The following EPS8 variants were observed in gnomAD, a reference collection of about 807,000 sequenced individuals.
EPS8 encodes the protein epidermal growth factor receptor kinase substrate 8.
A neutral mutation model predicts 103.8 loss-of-function variants in EPS8; 42 were observed. That is an observed-to-expected ratio of 0.40 (90% CI 0.32 to 0.52). The LOEUF (loss-of-function observed/expected upper bound fraction) is 0.52. EPS8 is among the 20% of genes least tolerant of loss of function. EPS8 has a pLI of 0.40. For missense variants in EPS8, 969 were observed against 1,005.1 expected, an observed-to-expected ratio of 0.96 and a Z score of 0.49; for synonymous variants, 344 against 344.6, an observed-to-expected ratio of 1.00 and a Z score of 0.02.
intron 1 of EPS8, among the ~76,000 whole-genome samples, chr12:15,712,555 T>C (rs926244711): frequency 6.6e-6 from 1 of 152,182 alleles, no homozygotes; most frequent in African/African-American, 2.4e-5. Context: ...AGCTATAATA[T>C]GAGGGGAAAA....
At chr12:15,629,547 A>G (rs1646943752) in intron 18 of EPS8, among the ~76,000 whole-genome samples, 1 of 152,252 alleles carries the variant, frequency 6.6e-6, no homozygotes, top group Non-Finnish European at 1.5e-5. Flanking sequence ...AACTCTTTTT[A>G]AAAACTCCAC....
Position 15,654,225 on chromosome 12 carries a change from T to G in EPS8, c.1170A>C (p.Thr390=), listed in dbSNP as rs562439929. The G allele has an allele frequency of 1.7e-5, 27 of 1,613,620 alleles. No homozygotes were observed. The South Asian group carries it at 2.9e-4, about 17-fold the overall frequency. Residue 390 remains threonine, a synonymous_variant, in exon 13 of 21, where the codon ACA becomes ACC. Transcript: ENST00000281172. ...TGACAGTATAATTTAAGAAATCAAT[T>G]GTGTCCTTATTCAATAGGGGACTAA... ...SVLSPLLNKD[T]IDFLNYTVNG...
At chr12:15,650,270 A>G (rs1472856931) in intron 14 of EPS8, among the ~76,000 whole-genome samples, 2 of 152,224 alleles carry the variant, frequency 1.3e-5, no homozygotes, top group African/African-American at 4.8e-5. Flanking sequence ...AGCAAGGCTG[A>G]TAGGACTCCA....
chr12:15,680,338 A>C (rs1369013372), intron 3 of EPS8, among the ~76,000 whole-genome samples: 1 of 152,314 alleles, frequency 6.6e-6, no homozygotes, highest in African/African-American at 2.4e-5. Flanking sequence ...AATATCGATA[A>C]TATCAACAAT....
Position 15,690,618 on chromosome 12 carries a change from C to A in EPS8, c.-21-7646G>T, listed in dbSNP as rs1228690364. 2.0e-5 allele frequency among the ~76,000 whole-genome samples: 3 copies of A among 152,068 alleles called. No homozygotes were observed. Among genetic ancestry groups the A allele is most frequent in the Non-Finnish European group, 4.4e-5 (3 of 68,016 alleles). ...TTTAGTAATACATGGTTTTACAGAT[C>A]CAATGGCCAGCAGAATGATTATATG... is the stretch of plus-strand genomic sequence containing the variant. On this transcript the variant is annotated intron_variant, in intron 1 of 20. Transcript: ENST00000281172. The surrounding 1 kb of genome is among the most constrained non-coding windows in gnomAD (Gnocchi z 4.7).
rs1346356700 is a variant in EPS8 at position 15,747,456 on chromosome 12, T to C, written c.-22+41705A>G. Among the ~76,000 whole-genome samples, 1 of 152,162 alleles carries C rather than the reference T, an allele frequency of 6.6e-6. No homozygotes were observed. The highest frequency in any genetic ancestry group is 1.5e-5 in the Non-Finnish European group (1 of 68,032). ...CACTATTTTAGGAGCAGCTGGTTAG[T>C]TCCAGTACTACCAATTCAGTAATCT... On this transcript the variant is annotated intron_variant, in intron 1 of 20. Coordinates refer to ENST00000281172, the MANE Select transcript of EPS8 (RefSeq NM_004447.6). This position sits in a 1 kb window ranked among gnomAD's most constrained non-coding sequence, Gnocchi z 4.4.
At chr12:15,632,585 C>G (rs558147231) in intron 17 of EPS8, among the ~76,000 whole-genome samples, 2 of 152,250 alleles carry the variant, frequency 1.3e-5, no homozygotes, top group Admixed American at 1.3e-4. Flanking sequence ...TGCACTGGCA[C>G]AATTTTAATT....
rs116159860 is a variant in EPS8, at chr12:15,736,202, A to G, written c.-22+52959T>C. Among the ~76,000 whole-genome samples the G allele has an allele frequency of 0.027, 4,090 of 152,262 alleles. 177 individuals are homozygous for G. The highest frequency in any genetic ancestry group is 0.094 in the African/African-American group (3,884 of 41,524). ...GTGCCGGGCCGAGTTTGTGTTTTAA[A>G]CCAAAAACTATCCTAGTATCATGTC... is the stretch of plus-strand genomic sequence containing the variant. On this transcript the variant is annotated intron_variant, in intron 1 of 20. Coordinates refer to ENST00000281172, the MANE Select transcript of EPS8 (RefSeq NM_004447.6). The surrounding 1 kb of genome is among the most constrained non-coding windows in gnomAD (Gnocchi z 4.2).
In EPS8 at chr12:15,691,084, C is replaced by T. The variant is rs538295869; in HGVS notation, c.-21-8112G>A. ...AAGCTAGGACAAACTTTCCTTGAAG[C>T]TTCACTGCTTATAAAGAAATTTTAG... is the stretch of plus-strand genomic sequence containing the variant. On this transcript the variant is annotated intron_variant, in intron 1 of 20. Coordinates refer to ENST00000281172, the MANE Select transcript of EPS8 (RefSeq NM_004447.6). Among the ~76,000 whole-genome samples, 16 of 151,994 alleles carry T rather than the reference C, an allele frequency of 1.1e-4. No homozygotes were observed. The South Asian group carries it at 3.3e-3, about 32-fold the overall frequency.
intron 18 of EPS8, among the ~76,000 whole-genome samples, chr12:15,629,193 A>G (rs1416755578): frequency 6.6e-6 from 1 of 152,184 alleles, no homozygotes. Context: ...TTATCAGGAG[A>G]GTTCTCTATC....
At chr12:15,753,946 G>C (rs1324689527) in intron 1 of EPS8, among the ~76,000 whole-genome samples, 3 of 152,214 alleles carry the variant, frequency 2.0e-5, no homozygotes, top group Admixed American at 6.5e-5. Flanking sequence ...GGGACAGCTG[G>C]GTATTTCATC....
chr12:15,774,233 T>C (rs988544066), intron 1 of EPS8, among the ~76,000 whole-genome samples: 1 of 152,060 alleles, frequency 6.6e-6, no homozygotes, highest in South Asian at 2.1e-4. Flanking sequence ...ATGAATTTTT[T>C]CTTTTGGAAA....
At position 15,784,415 on chromosome 12, in the gene EPS8, A is replaced by T. The variant is rs1484331804; in HGVS notation, c.-22+4746T>A. Among the ~76,000 whole-genome samples the T allele has an allele frequency of 1.3e-5, 2 of 152,192 alleles. No individual in the cohort carries two copies. Among genetic ancestry groups the T allele is most frequent in the Non-Finnish European group, 2.9e-5 (2 of 67,998 alleles). On this transcript the variant is annotated intron_variant, in intron 1 of 20. Transcript: ENST00000281172. This position sits in a 1 kb window ranked among gnomAD's most constrained non-coding sequence, Gnocchi z 4.0. ...TTAACATCATATGTCATTAGGAAATAGTAAATTAAAGTAACAATGACATAT... is the reference window on the plus strand; with the variant it reads ...TTAACATCATATGTCATTAGGAAATTGTAAATTAAAGTAACAATGACATAT...
rs1947241041 is a variant in EPS8 at position 15,779,709 on chromosome 12, A to G, written c.-22+9452T>C. Reference sequence around the variant, plus strand: ...TTAAGTACAAACTTCTCTTCCTTCTATCAATCTTTTTTCTCACTATTTTTT... The same window carrying G: ...TTAAGTACAAACTTCTCTTCCTTCTGTCAATCTTTTTTCTCACTATTTTTT... On this transcript the variant is annotated intron_variant, in intron 1 of 20. Coordinates refer to ENST00000281172, the MANE Select transcript of EPS8 (RefSeq NM_004447.6). The surrounding 1 kb of genome is among the most constrained non-coding windows in gnomAD (Gnocchi z 4.3). Among the ~76,000 whole-genome samples the G allele has an allele frequency of 6.6e-6, 1 of 152,136 alleles. No individual in the cohort carries two copies. Among genetic ancestry groups the G allele is most frequent in the South Asian group, 2.1e-4 (1 of 4,830 alleles).
chr12:15,788,562 C>A (rs544856475), intron 1 of EPS8, among the ~76,000 whole-genome samples: 1 of 152,236 alleles, frequency 6.6e-6, no homozygotes, highest in South Asian at 2.1e-4. Flanking sequence ...TGACCACAAC[C>A]GGAGAAAGGC....
chr12:15,662,220 G>A, intron 8 of EPS8, 121 bp from the exon 9 acceptor site: 1 of 1,526,892 alleles, frequency 6.5e-7, no homozygotes, highest in Non-Finnish European at 8.8e-7. Flanking sequence ...ACCTCCACTG[G>A]ATACACAAGT....
chr12:15,665,660 G>T (rs76965060), intron 8 of EPS8, 96 bp downstream of exon 8: 1 of 1,451,992 alleles, frequency 6.9e-7, no homozygotes, highest in East Asian at 2.3e-5. Context: ...CTAACCTCAA[G>T]CTTCAGTTCT....
Position 15,690,582 on chromosome 12 carries a change from G to C in EPS8, c.-21-7610C>G, listed in dbSNP as rs149507430. ...CAAGGATTATCCATTGTTTCAATTTGTCTGCTCTATTTTAGTAATACATGG... is the reference window on the plus strand; with the variant it reads ...CAAGGATTATCCATTGTTTCAATTTCTCTGCTCTATTTTAGTAATACATGG... On this transcript the variant is annotated intron_variant, in intron 1 of 20. Transcript: ENST00000281172. The surrounding 1 kb of genome is among the most constrained non-coding windows in gnomAD (Gnocchi z 4.7). Among the ~76,000 whole-genome samples the C allele has an allele frequency of 0.019, 2,913 of 152,256 alleles. 39 individuals are homozygous for C. Among genetic ancestry groups the C allele is most frequent in the South Asian group, 0.043 (205 of 4,816 alleles).
At chr12:15,756,388 C>G (rs1158145573) in intron 1 of EPS8, among the ~76,000 whole-genome samples, 1 of 152,042 alleles carries the variant, frequency 6.6e-6, no homozygotes, top group East Asian at 1.9e-4. Context: ...TTGCCAGTAT[C>G]AAACCAAAAA....
Sources: allele counts gnomAD v4.1 joint callset (sites outside exome capture counted in the v4.1 genomes callset), GRCh38; gene constraint gnomAD v4.1.1; non-coding constraint Gnocchi (gnomAD v3.1); transcripts MANE v1.5; gene names NCBI Gene and HGNC (gene_info 2026-07-23, HGNC 2026-07-21).